The following TOP6BL variants were observed in gnomAD, a reference collection of about 807,000 sequenced individuals.
TOP6BL encodes type 2 DNA topoisomerase 6 subunit B-like.
the TOP6BL span, among the ~76,000 whole-genome samples, chr11:66,775,886 A>G: frequency 6.6e-6 from 1 of 151,950 alleles, no homozygotes; most frequent in Non-Finnish European, 1.5e-5. Flanking sequence ...TTATTTCTAT[A>G]GTCTTATAGT....
At chr11:66,843,477 G>GTTAA in the TOP6BL span, 3 of 1,447,166 alleles carry the variant, frequency 2.1e-6, no homozygotes, top group East Asian at 8.6e-5. Flanking sequence ...GGGCGGGGAT[G>GTTAA]GGCTGCGACT....
At chr11:66,842,979 G>A in the TOP6BL span, 1 of 1,550,392 alleles carries the variant, frequency 6.4e-7, no homozygotes, top group Non-Finnish European at 8.7e-7. Context: ...AAGCCACCGC[G>A]GCCCCCCTCA....
the TOP6BL span, among the ~76,000 whole-genome samples, chr11:66,831,269 G>T: frequency 6.6e-6 from 1 of 152,122 alleles, no homozygotes; most frequent in African/African-American, 2.4e-5. Context: ...TTACCCAAGA[G>T]AAATGAGAAC....
the TOP6BL span, chr11:66,813,985 A>T: frequency 6.2e-7 from 1 of 1,613,672 alleles, no homozygotes; most frequent in African/African-American, 1.3e-5. Context: ...TTTGTGTATG[A>T]TACCCAATTT....
chr11:66,766,742 T>C, the TOP6BL span, among the ~76,000 whole-genome samples: 1 of 152,358 alleles, frequency 6.6e-6, no homozygotes, highest in African/African-American at 2.4e-5. Context: ...TGATGAGACT[T>C]ATTTTTCCCC....
chr11:66,834,004 C>G, the TOP6BL span, among the ~76,000 whole-genome samples: 5 of 151,950 alleles, frequency 3.3e-5, no homozygotes, highest in African/African-American at 1.2e-4. Context: ...AGTCATGGCT[C>G]ATAGCCTCAG....
At chr11:66,766,683 A>G in the TOP6BL span, among the ~76,000 whole-genome samples, 1 of 152,198 alleles carries the variant, frequency 6.6e-6, no homozygotes, top group African/African-American at 2.4e-5. Flanking sequence ...TCTACATTCA[A>G]TTCAGACAGC....
chr11:66,769,731 T>C, the TOP6BL span, among the ~76,000 whole-genome samples: 50 of 151,454 alleles, frequency 3.3e-4, no homozygotes, highest in East Asian at 5.8e-4. Context: ...TATTTATTTA[T>C]TTACTTATTT....
the TOP6BL span, among the ~76,000 whole-genome samples, chr11:66,773,708 G>A: frequency 6.6e-6 from 1 of 151,952 alleles, no homozygotes; most frequent in Non-Finnish European, 1.5e-5. Flanking sequence ...ACAGTTCTAC[G>A]CTAAAGTCAT....
the TOP6BL span, among the ~76,000 whole-genome samples, chr11:66,813,562 G>A: frequency 1.1e-3 from 167 of 152,166 alleles, 1 homozygote; most frequent in African/African-American, 3.9e-3. Context: ...GTGAAACCCC[G>A]TCTCTACTAA....
At chr11:66,753,355 T>C in the TOP6BL span, among the ~76,000 whole-genome samples, 1 of 151,472 alleles carries the variant, frequency 6.6e-6, no homozygotes, top group Non-Finnish European at 1.5e-5. Flanking sequence ...TGGGGTAGGC[T>C]CGGGAATTGG....
the TOP6BL span, among the ~76,000 whole-genome samples, chr11:66,769,412 A>G: frequency 6.6e-6 from 1 of 152,114 alleles, no homozygotes; most frequent in Non-Finnish European, 1.5e-5. Context: ...ATGCTTCAAA[A>G]GATGATACTA....
the TOP6BL span, among the ~76,000 whole-genome samples, chr11:66,759,675 C>A: frequency 1.3e-5 from 2 of 152,146 alleles, no homozygotes; most frequent in African/African-American, 4.8e-5. Context: ...CCTCTGCCTC[C>A]TGGGTTCAAG....
the TOP6BL span, among the ~76,000 whole-genome samples, chr11:66,788,484 G>A: frequency 6.6e-6 from 1 of 152,104 alleles, no homozygotes; most frequent in African/African-American, 2.4e-5. Context: ...TGATTTAATT[G>A]GTCTGGGTGT....
At chr11:66,782,690 T>G in the TOP6BL span, among the ~76,000 whole-genome samples, 1 of 152,160 alleles carries the variant, frequency 6.6e-6, no homozygotes, top group East Asian at 1.9e-4. Context: ...GTCCAGTGCC[T>G]GAAAACAACT....
the TOP6BL span, chr11:66,816,324 C>T: frequency 9.2e-7 from 1 of 1,092,020 alleles, no homozygotes. Context: ...CAGTGAAAAA[C>T]CTTGCTTAAT....
the TOP6BL span, among the ~76,000 whole-genome samples, chr11:66,755,468 A>G: frequency 6.6e-6 from 1 of 151,956 alleles, no homozygotes; most frequent in South Asian, 2.1e-4. Context: ...CTTGTTTTCC[A>G]TCCTTGTGGG....
the TOP6BL span, among the ~76,000 whole-genome samples, chr11:66,802,881 G>A: frequency 6.6e-6 from 1 of 152,210 alleles, no homozygotes; most frequent in South Asian, 2.1e-4. Flanking sequence ...AAGCCTTTGA[G>A]CCAATTTTTG....
the TOP6BL span, chr11:66,839,338 C>G: frequency 2.6e-6 from 1 of 383,978 alleles, no homozygotes; most frequent in Non-Finnish European, 5.2e-6. Context: ...AATAAACTTA[C>G]CCAAGGCTAC....
Sources: allele counts gnomAD v4.1 joint callset (sites outside exome capture counted in the v4.1 genomes callset), GRCh38; gene constraint gnomAD v4.1.1; transcripts MANE v1.5; gene names NCBI Gene and HGNC (gene_info 2026-07-23, HGNC 2026-07-21).